The following LRRIQ3 variants were observed in gnomAD, a reference collection of about 807,000 sequenced individuals.
The protein encoded by LRRIQ3 is leucine rich repeats and IQ motif containing 3, also known as leucine-rich repeat and IQ domain-containing protein 3.
In LRRIQ3, 75 loss-of-function variants were observed where a neutral mutation model predicts 59.3. The observed-to-expected ratio is 1.26, with a 90% CI of 1.05 to 1.53. The LOEUF (loss-of-function observed/expected upper bound fraction) is 1.53. Ranked by LOEUF, LRRIQ3 falls within the 40% of genes most tolerant of loss-of-function variation. The probability of loss-of-function intolerance (pLI) is 0.00; values close to 1 mark genes in which losing one functional copy is unlikely to be tolerated. For missense variants in LRRIQ3, 831 were observed against 710.0 expected, an observed-to-expected ratio of 1.17 and a Z score of -1.94; for synonymous variants, 250 against 231.3, an observed-to-expected ratio of 1.08 and a Z score of -0.73.
At chr1:74,161,658 A>G (rs751289299) in intron 3 of LRRIQ3, among the ~76,000 whole-genome samples, 11 of 151,872 alleles carry the variant, frequency 7.2e-5, no homozygotes, top group Non-Finnish European at 1.6e-4. Flanking sequence ...ATCAGTAGAG[A>G]AACATTAAGC....
intron 5 of LRRIQ3, chr1:74,082,040 A>G (rs1417245451): frequency 6.6e-6 from 1 of 151,622 alleles, no homozygotes; most frequent in African/African-American, 2.4e-5. Context: ...ACAAAAAAGG[A>G]TAATAAATTT....
chr1:74,154,969 T>C (rs1467956261), intron 4 of LRRIQ3, among the ~76,000 whole-genome samples: 1 of 152,198 alleles, frequency 6.6e-6, no homozygotes, highest in Admixed American at 6.5e-5. Flanking sequence ...TTAGCATATA[T>C]TGGCTTGTGC....
intron 4 of LRRIQ3, among the ~76,000 whole-genome samples, chr1:74,142,490 T>C (rs911530129): frequency 6.6e-6 from 1 of 152,006 alleles, no homozygotes; most frequent in Admixed American, 6.6e-5. Flanking sequence ...TGTGACTTTC[T>C]GACTTTGCAA....
chr1:74,084,599 A>G (rs141241606), intron 5 of LRRIQ3, among the ~76,000 whole-genome samples: 42 of 151,862 alleles, frequency 2.8e-4, no homozygotes, highest in Non-Finnish European at 5.0e-4. Flanking sequence ...TGCAGATCTT[A>G]TGTAAAACTC....
intron 1 of LRRIQ3, among the ~76,000 whole-genome samples, chr1:74,195,520 A>C (rs550417510): frequency 9.1e-4 from 139 of 152,312 alleles, no homozygotes; most frequent in African/African-American, 3.3e-3. Context: ...GGGGGGATGA[A>C]AATGTTCTAA....
At chr1:74,128,012 T>A (rs1322722414) in intron 4 of LRRIQ3, among the ~76,000 whole-genome samples, 1 of 152,056 alleles carries the variant, frequency 6.6e-6, no homozygotes. Context: ...ACAGCTTTTT[T>A]TCCTTCAGCA....
intron 5 of LRRIQ3, chr1:74,083,435 G>T (rs1327150967): frequency 6.8e-6 from 1 of 146,916 alleles, no homozygotes; most frequent in Admixed American, 7.0e-5. Flanking sequence ...AGCAATTAAG[G>T]CAAGTGTTGT....
chr1:74,195,408 C>T (rs1651051199), intron 1 of LRRIQ3, among the ~76,000 whole-genome samples: 1 of 152,104 alleles, frequency 6.6e-6, no homozygotes, highest in African/African-American at 2.4e-5. Flanking sequence ...TTAAAACATT[C>T]TTCTCTATAA....
chr1:74,158,780 G>C (rs956714722), intron 3 of LRRIQ3, among the ~76,000 whole-genome samples: 1 of 152,084 alleles, frequency 6.6e-6, no homozygotes, highest in Non-Finnish European at 1.5e-5. Flanking sequence ...TGCCTTTCTT[G>C]TTTGTTTATA....
chr1:74,026,197 A>G lies in LRRIQ3; in HGVS notation c.*616T>C, dbSNP rs1177997443. ...TCTTCACATGTATACCAAACAGGGC[A>G]AACCCATCAAAAGTAAATATACAAA... On this transcript the variant is annotated 3_prime_UTR_variant, in exon 8 of 8. Transcript: ENST00000354431. The G allele has an allele frequency of 6.6e-6, 1 of 152,012 alleles. No homozygotes were observed. The highest frequency in any genetic ancestry group is 1.5e-5 in the Non-Finnish European group (1 of 67,964). The allele number at this position is 152,012 out of a possible 1,614,324, so 9.4% of individuals were successfully genotyped here.
At chr1:74,115,470 A>C (rs565603391) in intron 4 of LRRIQ3, among the ~76,000 whole-genome samples, 1 of 152,280 alleles carries the variant, frequency 6.6e-6, no homozygotes, top group South Asian at 2.1e-4. Context: ...TTCAGGAATT[A>C]TCTGGTTGCC....
chr1:74,125,573 T>G (rs988532848), intron 4 of LRRIQ3, among the ~76,000 whole-genome samples: 3 of 151,972 alleles, frequency 2.0e-5, no homozygotes, highest in African/African-American at 7.2e-5. Context: ...GATATTGGAT[T>G]GTGTCAAATG....
chr1:74,154,501 A>T (rs113913137), intron 4 of LRRIQ3, among the ~76,000 whole-genome samples: 9 of 152,140 alleles, frequency 5.9e-5, no homozygotes, highest in African/African-American at 2.2e-4. Flanking sequence ...TATTACTGAA[A>T]TCTCTTCCTG....
intron 6 of LRRIQ3, among the ~76,000 whole-genome samples, chr1:74,051,313 T>C (rs188925274): frequency 1.2e-3 from 176 of 152,294 alleles, no homozygotes; most frequent in Non-Finnish European, 1.9e-3. Flanking sequence ...TACAAATTGC[T>C]TAAAACATTG....
intron 3 of LRRIQ3, among the ~76,000 whole-genome samples, chr1:74,170,247 T>C (rs1035053119): frequency 6.6e-6 from 1 of 152,170 alleles, no homozygotes; most frequent in Non-Finnish European, 1.5e-5. Context: ...GGAGAAACCA[T>C]TGCCAAGACC....
chr1:74,093,158 T>C (rs1646412520), intron 5 of LRRIQ3, among the ~76,000 whole-genome samples: 3 of 151,698 alleles, frequency 2.0e-5, no homozygotes, highest in Admixed American at 2.0e-4. Flanking sequence ...AAAATACCTG[T>C]GGTTCTTCAA....
intron 3 of LRRIQ3, among the ~76,000 whole-genome samples, chr1:74,173,141 CA>C (rs1170092798): frequency 6.6e-6 from 1 of 151,756 alleles, no homozygotes; most frequent in Non-Finnish European, 1.5e-5. Flanking sequence ...ACTAAAAATA[CA>C]AAAAATCAGC....
chr1:74,144,437 A>G (rs1302222575), intron 4 of LRRIQ3: 1 of 340,290 alleles, frequency 2.9e-6, no homozygotes, highest in East Asian at 1.0e-4. Flanking sequence ...CAAGGAAACT[A>G]GATTAATATT....
At chr1:74,079,298 C>T (rs537919200) in intron 5 of LRRIQ3, among the ~76,000 whole-genome samples, 35 of 151,756 alleles carry the variant, frequency 2.3e-4, no homozygotes, top group African/African-American at 8.4e-4. Context: ...TACAGTCCTG[C>T]TATACTAGAT....
Sources: allele counts gnomAD v4.1 joint callset (sites outside exome capture counted in the v4.1 genomes callset), GRCh38; gene constraint gnomAD v4.1.1; transcripts MANE v1.5; gene names NCBI Gene and HGNC (gene_info 2026-07-23, HGNC 2026-07-21).